Variants in EIF4E observed in about 807,000 individuals in gnomAD.
EIF4E encodes the protein eIF-4F 25 kDa subunit.
For missense variants in EIF4E, 113 were observed against 265.6 expected (o/e 0.43, Z 3.99); for synonymous variants, 71 against 88.5 (o/e 0.80, Z 1.11).
intron 1 of EIF4E, among the ~76,000 whole-genome samples, chr4:98,917,181 C>CTTAATT (rs1725427639): frequency 6.7e-6 from 1 of 149,074 alleles, no homozygotes; most frequent in Non-Finnish European, 1.5e-5. Flanking sequence ...TTTATCTCTA[C>CTTAATT]TTAATTCTGC....
chr4:98,904,912 T>G (rs934904909), intron 1 of EIF4E, among the ~76,000 whole-genome samples: 1 of 152,078 alleles, frequency 6.6e-6, no homozygotes, highest in Non-Finnish European at 1.5e-5. Flanking sequence ...TTAAACATAC[T>G]AGATTTTAAA....
chr4:98,896,553 A>T (rs1375726928), intron 2 of EIF4E, among the ~76,000 whole-genome samples: 1 of 147,828 alleles, frequency 6.8e-6, no homozygotes, highest in Non-Finnish European at 1.5e-5. Context: ...GGACCTAGCT[A>T]CTTAGAAAGC....
rs747639784 is a variant in EIF4E, at chr4:98,881,131, T to G, written c.551A>C (p.Lys184Thr). 1 of 1,612,478 alleles carries G rather than the reference T, an allele frequency of 6.2e-7. No homozygotes were observed. Residue 184 changes from lysine to threonine, a missense_variant, in exon 7 of 7, where the codon AAG (lysine) becomes ACG (threonine). Physicochemically the swap from Lys to Thr is moderately conservative, Grantham distance 78 (BLOSUM62 -1). Coordinates refer to ENST00000450253, the MANE Select transcript of EIF4E (RefSeq NM_001968.5). ...EAVTHIGRVY[K>T]ERLGLPPKIV... ...CTTTGGAGGAAGTCCTAACCTTTCC[T>G]TGTATACCCTCCTAGAAGAAAAAAA... is the stretch of plus-strand genomic sequence containing the variant.
At chr4:98,882,053 A>C (rs191854877) in intron 6 of EIF4E, among the ~76,000 whole-genome samples, 3 of 152,334 alleles carry the variant, frequency 2.0e-5, no homozygotes, top group Non-Finnish European at 4.4e-5. Flanking sequence ...AAAGCTGACA[A>C]GGTTTCAGAG....
At chr4:98,929,021 C>T (rs1721358201) in intron 1 of EIF4E, 74 bp downstream of exon 1, 1 of 1,565,498 alleles carries the variant, frequency 6.4e-7, no homozygotes, top group Admixed American at 1.9e-5. Context: ...GAACGCCGTC[C>T]CGCGGAGTCC....
At position 98,887,227 on chromosome 4, in the gene EIF4E, T is replaced by A. The variant is rs1334409474; in HGVS notation, c.286-35A>T. 21 of 1,590,532 alleles carry A rather than the reference T, an allele frequency of 1.3e-5. No homozygotes were observed. Among genetic ancestry groups the A allele is most frequent in the Non-Finnish European group, 1.7e-5 (20 of 1,158,838 alleles). On this transcript the variant is annotated intron_variant, in intron 4 of 6. Coordinates refer to ENST00000450253, the MANE Select transcript of EIF4E (RefSeq NM_001968.5). The surrounding 1 kb of genome is among the most constrained non-coding windows in gnomAD (Gnocchi z 4.0). ...TAGAAGACAACAGTATTACACAACA[T>A]TGTTACCTTGACTTTGAGAGATAAT...
chr4:98,908,940 C>T (rs932536276), intron 1 of EIF4E, among the ~76,000 whole-genome samples: 2 of 152,194 alleles, frequency 1.3e-5, no homozygotes, highest in African/African-American at 4.8e-5. Flanking sequence ...TAACAGAACT[C>T]TCACTCCCAA....
intron 2 of EIF4E, chr4:98,895,491 G>A (rs1311199766): frequency 6.6e-6 from 1 of 152,110 alleles, no homozygotes; most frequent in African/African-American, 2.4e-5. Flanking sequence ...TCATCAACAC[G>A]AATGTTGTCT....
At chr4:98,903,055 A>G (rs1254679350) in intron 1 of EIF4E, among the ~76,000 whole-genome samples, 1 of 152,218 alleles carries the variant, frequency 6.6e-6, no homozygotes, top group Non-Finnish European at 1.5e-5. Flanking sequence ...TAACACTGTC[A>G]TCTAAAAATA....
intron 1 of EIF4E, among the ~76,000 whole-genome samples, chr4:98,924,680 A>C (rs1725795678): frequency 6.6e-6 from 1 of 151,410 alleles, no homozygotes; most frequent in Non-Finnish European, 1.5e-5. Context: ...TGCAACCTCC[A>C]CCTCCAGGTT....
chr4:98,912,968 A>G (rs1171531959), intron 1 of EIF4E, among the ~76,000 whole-genome samples: 1 of 152,186 alleles, frequency 6.6e-6, no homozygotes, highest in Non-Finnish European at 1.5e-5. Flanking sequence ...GCATTTTGGG[A>G]GGCCGAGGCA....
At chr4:98,897,540 T>C (rs1006850586) in intron 2 of EIF4E, among the ~76,000 whole-genome samples, 2 of 152,078 alleles carry the variant, frequency 1.3e-5, no homozygotes, top group African/African-American at 4.8e-5. Context: ...CACTCCAGCC[T>C]AGGCAACAAA....
intron 1 of EIF4E, among the ~76,000 whole-genome samples, chr4:98,911,072 C>CA (rs1199027662): frequency 2.7e-5 from 4 of 149,840 alleles, no homozygotes; most frequent in African/African-American, 9.8e-5. Context: ...CCCTTTGAGA[C>CA]AGAGTCTTGC....
chr4:98,888,934 G>A (rs1724034087), intron 3 of EIF4E, among the ~76,000 whole-genome samples: 1 of 152,274 alleles, frequency 6.6e-6, no homozygotes, highest in African/African-American at 2.4e-5. Context: ...GCCGAGGCAG[G>A]TGGATCATGA....
intron 1 of EIF4E, among the ~76,000 whole-genome samples, chr4:98,922,164 A>T (rs1365732437): frequency 3.3e-5 from 5 of 152,202 alleles, no homozygotes; most frequent in Non-Finnish European, 7.3e-5. Flanking sequence ...TACACTCTGC[A>T]CTTTGGCTGC....
chr4:98,881,406 A>G (rs1052419721), intron 6 of EIF4E, among the ~76,000 whole-genome samples: 31 of 152,014 alleles, frequency 2.0e-4, no homozygotes, highest in African/African-American at 7.2e-4. Flanking sequence ...ATATTATTAT[A>G]TTGTTATTTA....
chr4:98,891,548 T>TAAGC, intron 2 of EIF4E: 3 of 568,720 alleles, frequency 5.3e-6, no homozygotes, highest in Admixed American at 3.2e-5. Context: ...ATTAAGTGAA[T>TAAGC]AAGCCAGCCC....
intron 5 of EIF4E, 136 bp from the exon 6 acceptor site, chr4:98,885,197 AT>A: frequency 9.6e-7 from 1 of 1,037,572 alleles, no homozygotes; most frequent in Non-Finnish European, 1.4e-6. Context: ...TGTAAATTTT[AT>A]TTGCATATAT....
At chr4:98,911,729 T>C in intron 1 of EIF4E, among the ~76,000 whole-genome samples, 1 of 151,370 alleles carries the variant, frequency 6.6e-6, no homozygotes, top group Non-Finnish European at 1.5e-5. Flanking sequence ...ATAAATTTTT[T>C]TAAAGAACAT....
Sources: gnomAD v4.1 joint callset for allele counts (sites outside exome capture counted in the v4.1 genomes callset) on GRCh38, gnomAD v4.1.1 for gene constraint, Gnocchi (gnomAD v3.1) non-coding constraint, MANE v1.5 for transcripts, NCBI Gene and HGNC (gene_info 2026-07-23, HGNC 2026-07-21) for gene names.